Variants in NAA35 observed in about 807,000 individuals in gnomAD.
The protein encoded by NAA35 is MAK10 homolog, amino-acid N-acetyltransferase subunit.
Under a neutral mutation model 101.7 loss-of-function variants are expected in NAA35, and 18 were observed. The observed-to-expected ratio is 0.18, with a 90% CI of 0.12 to 0.26. NAA35 has a LOEUF of 0.26. Ranked by LOEUF, NAA35 falls within the 10% of genes least tolerant of loss-of-function variation. The probability of loss-of-function intolerance (pLI) is 1.00; values close to 1 mark genes in which losing one functional copy is unlikely to be tolerated. For missense variants in NAA35, 601 were observed against 886.8 expected (o/e 0.68, Z 4.09); for synonymous variants, 267 against 273.1 (o/e 0.98, Z 0.22).
chr9:85,943,294 A>C (rs1402455852), intron 2 of NAA35, among the ~76,000 whole-genome samples: 1 of 152,206 alleles, frequency 6.6e-6, no homozygotes. Flanking sequence ...GGAAAAGCAC[A>C]GGGACACACT....
At chr9:85,942,333 G>A in intron 2 of NAA35, 50 bp downstream of exon 2, 1 of 1,596,210 alleles carries the variant, frequency 6.3e-7, no homozygotes, top group Non-Finnish European at 8.5e-7. Context: ...GGGGTAGAAT[G>A]ACGATTGTGC....
At chr9:86,021,790 G>T in intron 22 of NAA35, 111 bp from the exon 23 acceptor site, 2 of 853,360 alleles carry the variant, frequency 2.3e-6, no homozygotes, top group East Asian at 2.8e-5. Flanking sequence ...TCTATTTTGT[G>T]CTGCCTTGTT....
intron 20 of NAA35, 51 bp downstream of exon 20, chr9:86,018,446 TAGAG>T (rs1460988768): frequency 1.9e-6 from 3 of 1,563,590 alleles, no homozygotes; most frequent in Admixed American, 1.9e-5. Context: ...TAGACCTTCT[TAGAG>T]AGATGCTGTT....
intron 10 of NAA35, among the ~76,000 whole-genome samples, chr9:85,977,724 TAGG>T (rs1206437379): frequency 1.3e-5 from 2 of 152,178 alleles, no homozygotes; most frequent in Non-Finnish European, 2.9e-5. Context: ...AGTAAAATTT[TAGG>T]TAGGCCTAGT....
At chr9:85,960,998 TAGG>T (rs1409147788) in intron 5 of NAA35, among the ~76,000 whole-genome samples, 1 of 152,066 alleles carries the variant, frequency 6.6e-6, no homozygotes, top group Non-Finnish European at 1.5e-5. Flanking sequence ...GGGAGCCAAG[TAGG>T]AGGAGTGTGG....
intron 9 of NAA35, among the ~76,000 whole-genome samples, chr9:85,977,076 C>A (rs556501843): frequency 3.0e-4 from 46 of 152,134 alleles, no homozygotes; most frequent in Non-Finnish European, 5.4e-4. Flanking sequence ...TTTAATCAGT[C>A]CTTTTTAAAA....
intron 11 of NAA35, among the ~76,000 whole-genome samples, chr9:85,991,539 C>G (rs189801867): frequency 1.9e-3 from 295 of 152,168 alleles, no homozygotes; most frequent in Non-Finnish European, 3.6e-3. Flanking sequence ...AAAGGTGGCT[C>G]CATGTGGGAA....
intron 17 of NAA35, chr9:86,015,601 G>T: frequency 2.4e-6 from 1 of 417,960 alleles, no homozygotes; most frequent in Non-Finnish European, 3.2e-6. Context: ...TGGTTCTCAG[G>T]TGAACTGCTG....
Position 85,942,223 on chromosome 9 carries a change from A to C in NAA35, c.64A>C (p.Met22Leu), listed in dbSNP as rs779182959. 6 of 1,614,072 alleles carry C rather than the reference A, an allele frequency of 3.7e-6. No individual in the cohort carries two copies. The highest frequency in any genetic ancestry group is 5.1e-6 in the Non-Finnish European group (6 of 1,180,022). The change falls in exon 2 of 23, where the codon ATG becomes CTG. Residue 22 changes from methionine (M) to leucine (L), a missense_variant. Met to Leu is a conservative substitution (Grantham distance 15). Transcript: ENST00000361671. The stretch of plus-strand genomic sequence containing the variant: ...ATGGGAGCTCAGTATGCCAGAAAAA[A>C]TGGAGAAAAGCAATACAAACTGGGT... ...SGWELSMPEK[M>L]EKSNTNWVDI... is the part of the protein sequence containing the mutation.
intron 10 of NAA35, 48 bp downstream of exon 10, chr9:85,977,494 T>A (rs1453311390): frequency 7.3e-7 from 1 of 1,369,306 alleles, no homozygotes; most frequent in Non-Finnish European, 1.0e-6. Context: ...TGATTTTGGC[T>A]GGAATTCCTG....
chr9:86,022,035 C>A lies in NAA35; in HGVS notation c.*75C>A. 2.7e-6 allele frequency: 3 copies of A among 1,096,292 alleles called. No individual in the cohort carries two copies. The highest frequency in any genetic ancestry group is 2.1e-5 in the Admixed American group (1 of 47,378). 67.9% of individuals were successfully genotyped at this position (1,096,292 alleles called of 1,614,324 possible). A position where few individuals can be genotyped will look rare whatever the true frequency, so the allele number is the denominator to read the frequency against. On this transcript the variant is annotated 3_prime_UTR_variant, in exon 23 of 23. Coordinates refer to ENST00000361671, the MANE Select transcript of NAA35 (RefSeq NM_024635.4). The stretch of plus-strand genomic sequence containing the variant: ...AACTCTTAGAGGGCACATCACCAGG[C>A]TCCACATCACGGGAAGTGAGATGGA...
chr9:85,997,878 C>T (rs1831237098), intron 12 of NAA35, among the ~76,000 whole-genome samples: 1 of 152,018 alleles, frequency 6.6e-6, no homozygotes, highest in Non-Finnish European at 1.5e-5. Context: ...TACATACATA[C>T]ATATATATTT....
intron 4 of NAA35, among the ~76,000 whole-genome samples, 163 bp downstream of exon 4, chr9:85,958,749 T>C (rs982173804): frequency 6.6e-6 from 1 of 152,246 alleles, no homozygotes; most frequent in African/African-American, 2.4e-5. Context: ...TGTTAAAGTC[T>C]GAAAATTGAG....
At chr9:85,969,312 T>C (rs953467915) in intron 6 of NAA35, among the ~76,000 whole-genome samples, 3 of 151,350 alleles carry the variant, frequency 2.0e-5, no homozygotes, top group African/African-American at 4.9e-5. Flanking sequence ...CTCACACTTA[T>C]TTGGTAAGTT....
At position 86,023,728 on chromosome 9, in the gene NAA35, G is replaced by A. The variant is rs920083324; in HGVS notation, c.*1768G>A. Among the ~76,000 whole-genome samples the A allele has an allele frequency of 2.3e-4, 35 of 152,218 alleles. No individual in the cohort carries two copies. The highest frequency in any genetic ancestry group is 8.4e-4 in the African/African-American group (35 of 41,450). On this transcript the variant is annotated 3_prime_UTR_variant, in exon 23 of 23. Transcript: ENST00000361671. Reference sequence around the variant, plus strand: ...GAGCATCTAGGTTATTTTGAAGTAGGTCTTCCTAAGTAAAAGTTTTCCTAT... The same window carrying A: ...GAGCATCTAGGTTATTTTGAAGTAGATCTTCCTAAGTAAAAGTTTTCCTAT...
chr9:85,993,271 C>A lies in NAA35; in HGVS notation c.878-3128C>A, dbSNP rs11141173. On this transcript the variant is annotated intron_variant, in intron 11 of 22. Coordinates refer to ENST00000361671, the MANE Select transcript of NAA35 (RefSeq NM_024635.4). Reference sequence around the variant, plus strand: ...TACTGCAACCTTTGCCTGCCAGGTTCAAATGATTCTCCCACCTCAGCCTCC... The same window carrying A: ...TACTGCAACCTTTGCCTGCCAGGTTAAAATGATTCTCCCACCTCAGCCTCC... 3.9e-3 allele frequency among the ~76,000 whole-genome samples: 601 copies of A among 152,326 alleles called. 5 individuals carry two copies. The highest frequency in any genetic ancestry group is 0.014 in the African/African-American group (568 of 41,568).
intron 6 of NAA35, among the ~76,000 whole-genome samples, chr9:85,974,333 T>G (rs1830124539): frequency 6.6e-6 from 1 of 152,168 alleles, no homozygotes; most frequent in Admixed American, 6.5e-5. Flanking sequence ...GTTAATCAAA[T>G]CAGCCAGATG....
intron 2 of NAA35, among the ~76,000 whole-genome samples, chr9:85,945,964 C>T (rs1052944498): frequency 1.3e-5 from 2 of 151,992 alleles, no homozygotes; most frequent in Non-Finnish European, 2.9e-5. Flanking sequence ...TATTTTATTT[C>T]CTACTAGGCA....
chr9:85,980,883 T>C (rs1363199515), intron 11 of NAA35, among the ~76,000 whole-genome samples: 1 of 152,198 alleles, frequency 6.6e-6, no homozygotes, highest in African/African-American at 2.4e-5. Context: ...GAGAAATTTA[T>C]ATGCTTCAAA....
Sources: allele counts gnomAD v4.1 joint callset (sites outside exome capture counted in the v4.1 genomes callset), GRCh38; gene constraint gnomAD v4.1.1; transcripts MANE v1.5; gene names NCBI Gene and HGNC (gene_info 2026-07-23, HGNC 2026-07-21).